RAP1A: variants seen among roughly 807,000 people sequenced by gnomAD.
RAP1A encodes the protein RAP1A, member of RAS oncogene family.
A neutral mutation model predicts 26.4 loss-of-function variants in RAP1A; 6 were observed. The observed-to-expected ratio is 0.23, with a 90% CI of 0.12 to 0.45. The LOEUF is 0.45. RAP1A is among the 20% of genes least tolerant of loss of function. RAP1A has a pLI of 0.99. For missense variants in RAP1A, 121 were observed against 217.2 expected (o/e 0.56, Z 2.78); for synonymous variants, 73 against 79.4 (o/e 0.92, Z 0.43).
intron 1 of RAP1A, among the ~76,000 whole-genome samples, chr1:111,632,595 G>T (rs1288507234): frequency 6.6e-6 from 1 of 152,094 alleles, no homozygotes; most frequent in African/African-American, 2.4e-5. Flanking sequence ...TATGGTTGAA[G>T]GAGTAGAATA....
At chr1:111,697,793 T>C (rs536676017) in intron 4 of RAP1A, among the ~76,000 whole-genome samples, 4 of 152,260 alleles carry the variant, frequency 2.6e-5, no homozygotes, top group African/African-American at 7.2e-5. Context: ...TTAGTTAATA[T>C]TTGTATTTCT....
At chr1:111,602,505 CAG>C (rs1388291860) in intron 1 of RAP1A, among the ~76,000 whole-genome samples, 5 of 152,126 alleles carry the variant, frequency 3.3e-5, no homozygotes, top group African/African-American at 9.7e-5. Context: ...TGCTGAGACA[CAG>C]AGTTAGACTA....
chr1:111,579,831 A>G (rs962333929), intron 1 of RAP1A, among the ~76,000 whole-genome samples: 2 of 149,142 alleles, frequency 1.3e-5, no homozygotes, highest in Admixed American at 6.7e-5. Context: ...TATTTATTTG[A>G]GATAGTCCTG....
At chr1:111,641,635 G>C (rs370472251) in intron 1 of RAP1A, among the ~76,000 whole-genome samples, 1 of 151,240 alleles carries the variant, frequency 6.6e-6, no homozygotes, top group East Asian at 1.9e-4. Flanking sequence ...GGGTGTGTGC[G>C]TGTGTGTGTG....
intron 1 of RAP1A, among the ~76,000 whole-genome samples, chr1:111,677,942 T>C (rs1439316381): frequency 1.3e-5 from 2 of 152,188 alleles, no homozygotes; most frequent in East Asian, 1.9e-4. Context: ...TATACCTTTA[T>C]TAAAAATGAA....
intron 1 of RAP1A, among the ~76,000 whole-genome samples, chr1:111,611,421 G>T (rs1226462959): frequency 3.9e-5 from 6 of 152,070 alleles, no homozygotes; most frequent in African/African-American, 7.2e-5. Context: ...CAGTACCATG[G>T]AAATAGAAGG....
chr1:111,705,079 A>G (rs1000671482), intron 6 of RAP1A, among the ~76,000 whole-genome samples: 11 of 152,198 alleles, frequency 7.2e-5, no homozygotes, highest in Non-Finnish European at 8.8e-5. Context: ...GGACAAGAAT[A>G]CTTAGCAAAT....
chr1:111,682,453 A>G (rs931417777), intron 1 of RAP1A, among the ~76,000 whole-genome samples: 4 of 151,806 alleles, frequency 2.6e-5, no homozygotes, highest in East Asian at 1.9e-4. Flanking sequence ...AAAGACACAC[A>G]TAGGCCCAAA....
chr1:111,566,465 A>G (rs1385216111), intron 1 of RAP1A, among the ~76,000 whole-genome samples: 1 of 152,182 alleles, frequency 6.6e-6, no homozygotes, highest in East Asian at 1.9e-4. Flanking sequence ...TGGGTGTCCA[A>G]GCAAATGACT....
At chr1:111,688,275 G>A (rs1434522927) in intron 1 of RAP1A, among the ~76,000 whole-genome samples, 1 of 128,516 alleles carries the variant, frequency 7.8e-6, no homozygotes, top group Non-Finnish European at 1.6e-5. Flanking sequence ...CTGTGTGTGT[G>A]TGTGTGTGTG....
At chr1:111,666,045 C>T (rs561255466) in intron 1 of RAP1A, among the ~76,000 whole-genome samples, 1 of 152,044 alleles carries the variant, frequency 6.6e-6, no homozygotes, top group African/African-American at 2.4e-5. Context: ...CATACGTAAC[C>T]GTGATGACTG....
chr1:111,616,482 C>T (rs1161802887), upstream of RAP1A, among the ~76,000 whole-genome samples: 1 of 152,160 alleles, frequency 6.6e-6, no homozygotes, highest in East Asian at 1.9e-4. Context: ...AACCGCCTTA[C>T]TCACCCTTCC....
At chr1:111,634,084 T>C (rs1382527861) in intron 1 of RAP1A, among the ~76,000 whole-genome samples, 1 of 152,242 alleles carries the variant, frequency 6.6e-6, no homozygotes, top group South Asian at 2.1e-4. Context: ...CATAACCACA[T>C]GTTCAGTGTC....
At chr1:111,707,759 A>G (rs1662240473) in intron 6 of RAP1A, among the ~76,000 whole-genome samples, 1 of 152,174 alleles carries the variant, frequency 6.6e-6, no homozygotes, top group Non-Finnish European at 1.5e-5. Context: ...TATCTGTTTC[A>G]TGTTTTAATA....
chr1:111,672,133 T>C (rs1571548524), intron 1 of RAP1A, among the ~76,000 whole-genome samples: 1 of 152,216 alleles, frequency 6.6e-6, no homozygotes, highest in African/African-American at 2.4e-5. Flanking sequence ...AAATCTTCTA[T>C]ATATCCTTCC....
At chr1:111,639,068 TG>T (rs1227648349) in intron 1 of RAP1A, among the ~76,000 whole-genome samples, 7 of 129,992 alleles carry the variant, frequency 5.4e-5, no homozygotes, top group African/African-American at 2.1e-4. Flanking sequence ...TTTTAATCTT[TG>T]GTTTATTGAT....
At chr1:111,664,385 A>C (rs866556090) in intron 1 of RAP1A, among the ~76,000 whole-genome samples, 47 of 151,418 alleles carry the variant, frequency 3.1e-4, no homozygotes, top group South Asian at 1.7e-3. Flanking sequence ...AAAAAAAAAA[A>C]AAAAAAAAAA....
intron 1 of RAP1A, among the ~76,000 whole-genome samples, chr1:111,564,674 G>A (rs571098841): frequency 2.6e-5 from 4 of 151,814 alleles, no homozygotes; most frequent in South Asian, 2.1e-4. Flanking sequence ...CACCACACCC[G>A]GCTAATTTTT....
intron 4 of RAP1A, 116 bp downstream of exon 4, chr1:111,697,613 A>G: frequency 6.6e-7 from 1 of 1,512,984 alleles, no homozygotes; most frequent in Non-Finnish European, 8.8e-7. Context: ...GATTAAGAAG[A>G]AATTCTCTGA....
Sources: gnomAD v4.1 joint callset for allele counts (sites outside exome capture counted in the v4.1 genomes callset) on GRCh38, gnomAD v4.1.1 for gene constraint, MANE v1.5 for transcripts, NCBI Gene and HGNC (gene_info 2026-07-23, HGNC 2026-07-21) for gene names.